Variants in ASPH observed in about 807,000 individuals in gnomAD.
ASPH encodes aspartate beta-hydroxylase, also known as aspartyl/asparaginyl beta-hydroxylase.
Under a neutral mutation model 118.4 loss-of-function variants are expected in ASPH, and 100 were observed. The ratio of observed to expected loss-of-function variants is 0.84; its 90% CI spans 0.72 to 1.00. The LOEUF is 1.00. Among genes scored for constraint, ASPH ranks in the 50% least tolerant of loss-of-function variants. The probability of loss-of-function intolerance (pLI) is 0.00; values close to 1 mark genes in which losing one functional copy is unlikely to be tolerated. For missense variants in ASPH, 920 were observed against 919.5 expected (o/e 1.00, Z -0.01); for synonymous variants, 315 against 325.6 (o/e 0.97, Z 0.35).
chr8:61,685,391 T>C (rs1830055392), intron 1 of ASPH, among the ~76,000 whole-genome samples: 1 of 152,154 alleles, frequency 6.6e-6, no homozygotes, highest in Non-Finnish European at 1.5e-5. Context: ...AAACATGAAA[T>C]GATTCTCCCA....
intron 1 of ASPH, among the ~76,000 whole-genome samples, chr8:61,690,778 C>G (rs768502982): frequency 6.6e-6 from 1 of 151,918 alleles, no homozygotes; most frequent in African/African-American, 2.4e-5. Context: ...CAGTGGCTTA[C>G]GGCAAGAATA....
At chr8:61,592,446 A>G (rs1587791240) in intron 14 of ASPH, among the ~76,000 whole-genome samples, 2 of 152,340 alleles carry the variant, frequency 1.3e-5, no homozygotes, top group East Asian at 3.9e-4. Flanking sequence ...ATTTCAAGTC[A>G]ACAAAGGATT....
chr8:61,589,735 G>T (rs1239478820), intron 14 of ASPH, among the ~76,000 whole-genome samples: 1 of 152,142 alleles, frequency 6.6e-6, no homozygotes, highest in Non-Finnish European at 1.5e-5. Context: ...ATTCACTCAA[G>T]AATTTGTTAA....
rs375138290 is a variant in ASPH at position 61,570,917 on chromosome 8, A to T, written c.1150-3599T>A. Among the ~76,000 whole-genome samples the T allele has an allele frequency of 1.1e-4, 17 of 152,350 alleles. No individual in the cohort carries two copies. The East Asian group carries it at 3.3e-3, about 29-fold the overall frequency. ...ATATTTTGTGTCCAATGTTCAGGGA[A>T]CTTGATCAAAATTAATTTTGGTGAT... On this transcript the variant is annotated intron_variant, in intron 16 of 24. Transcript: ENST00000379454.
At chr8:61,583,666 G>C in intron 15 of ASPH, 1 of 298,772 alleles carries the variant, frequency 3.3e-6, no homozygotes, top group Non-Finnish European at 6.1e-6. Context: ...GAAGAGCCAA[G>C]TGGTTTCCCC....
intron 15 of ASPH, chr8:61,579,282 G>A (rs566428443): frequency 1.4e-5 from 23 of 1,614,180 alleles, no homozygotes; most frequent in East Asian, 6.7e-5. Context: ...CAAGTTGTCC[G>A]AGCTGGAGGC....
intron 18 of ASPH, among the ~76,000 whole-genome samples, chr8:61,561,898 G>C (rs945292509): frequency 1.3e-5 from 2 of 152,206 alleles, no homozygotes; most frequent in African/African-American, 4.8e-5. Context: ...TTACACTCCA[G>C]TCTGGGCAAC....
chr8:61,548,038 A>C (rs1824549628), intron 21 of ASPH, 33 bp downstream of exon 21: 1 of 1,573,490 alleles, frequency 6.4e-7, no homozygotes, highest in Non-Finnish European at 8.6e-7. Context: ...ATAGACAAAG[A>C]TCTGGTGAGG....
In ASPH at chr8:61,579,436, T is replaced by C. The variant is rs1215881924; in HGVS notation, c.1063-2578A>G. On this transcript the variant is annotated intron_variant, in intron 15 of 24. Coordinates refer to ENST00000379454, the MANE Select transcript of ASPH (RefSeq NM_004318.4). ...AAAGAGAGCCGGCTGAAGTCTGGGA[T>C]GCAGAACATGAGTATTCATACGAAG... The C allele has an allele frequency of 2.2e-5, 36 of 1,611,208 alleles. 1 individual carries two copies. The African/African-American group carries it at 2.7e-4, about 12-fold the overall frequency.
At chr8:61,528,946 T>C (rs1816534537) in intron 21 of ASPH, among the ~76,000 whole-genome samples, 2 of 152,216 alleles carry the variant, frequency 1.3e-5, no homozygotes, top group Non-Finnish European at 1.5e-5. Flanking sequence ...CTAGTACTAC[T>C]AACTCAGTAC....
At chr8:61,539,113 C>T (rs1261715579) in intron 21 of ASPH, among the ~76,000 whole-genome samples, 4 of 152,116 alleles carry the variant, frequency 2.6e-5, no homozygotes, top group African/African-American at 4.8e-5. Context: ...TGGTGGCAGG[C>T]GCCTGTAATC....
chr8:61,527,298 C>T lies in ASPH; in HGVS notation c.1765-1186G>A, dbSNP rs138555301. On this transcript the variant is annotated intron_variant, in intron 21 of 24. Coordinates refer to ENST00000379454, the MANE Select transcript of ASPH (RefSeq NM_004318.4). ...ATCAATTATTGGTTAGAGCAAAGCACGAGATAATGTGTAGAGTGTCTTTTT... is the reference window on the plus strand; with the variant it reads ...ATCAATTATTGGTTAGAGCAAAGCATGAGATAATGTGTAGAGTGTCTTTTT... 3.9e-3 allele frequency among the ~76,000 whole-genome samples: 601 copies of T among 152,224 alleles called. 2 individuals are homozygous for T. Among genetic ancestry groups the T allele is most frequent in the African/African-American group, 0.014 (566 of 41,530 alleles).
At chr8:61,628,323 CTTTTTTTTTTTTTT>C (rs398008041) in intron 13 of ASPH, 9 of 196,682 alleles carry the variant, frequency 4.6e-5, no homozygotes, top group African/African-American at 3.9e-4. Context: ...CCAAGCCCGG[CTTTTTTTTTTTTTT>C]TTTTTTTTTT....
At chr8:61,640,552 G>A (rs530329075) in intron 10 of ASPH, among the ~76,000 whole-genome samples, 2 of 152,254 alleles carry the variant, frequency 1.3e-5, no homozygotes, top group African/African-American at 4.8e-5. Context: ...CCACAAACTA[G>A]GTAAGGTCTC....
intron 14 of ASPH, among the ~76,000 whole-genome samples, chr8:61,599,635 A>G (rs1253465706): frequency 1.3e-5 from 2 of 152,192 alleles, no homozygotes. Flanking sequence ...AGAGACTATT[A>G]TGAACAATCA....
chr8:61,650,694 C>T (rs1588663254), intron 5 of ASPH, among the ~76,000 whole-genome samples: 1 of 152,102 alleles, frequency 6.6e-6, no homozygotes, highest in Non-Finnish European at 1.5e-5. Flanking sequence ...GAAGCAAAAT[C>T]GAGGTGGAGC....
chr8:61,682,593 C>A, intron 2 of ASPH: 2 of 1,054,184 alleles, frequency 1.9e-6, no homozygotes, highest in East Asian at 2.5e-5. Flanking sequence ...GTAAGTCAGT[C>A]AAAGCATAGA....
intron 13 of ASPH, chr8:61,632,986 T>G (rs1415508940): frequency 5.9e-6 from 1 of 169,988 alleles, no homozygotes; most frequent in African/African-American, 2.4e-5. Context: ...ATTTTCCAAA[T>G]CCTGTTTGAT....
At chr8:61,656,279 T>C (rs1386783567) in intron 3 of ASPH, 2 of 152,078 alleles carry the variant, frequency 1.3e-5, no homozygotes, top group East Asian at 1.9e-4. Flanking sequence ...AATGGTTGGG[T>C]AGGAAGGAAA....
Sources: allele counts gnomAD v4.1 joint callset (sites outside exome capture counted in the v4.1 genomes callset), GRCh38; gene constraint gnomAD v4.1.1; transcripts MANE v1.5; gene names NCBI Gene and HGNC (gene_info 2026-07-23, HGNC 2026-07-21).